Variants in PTTG1IP observed in about 807,000 individuals in gnomAD.
PTTG1IP encodes the protein pituitary tumor-transforming gene 1 protein-interacting protein.
A neutral mutation model predicts 24.4 loss-of-function variants in PTTG1IP; 16 were observed. The observed-to-expected ratio is 0.66, with a 90% CI of 0.44 to 1.00. The LOEUF (loss-of-function observed/expected upper bound fraction) is 1.00, where lower values mean the gene tolerates loss of function less well. Among genes scored for constraint, PTTG1IP ranks in the 50% least tolerant of loss-of-function variants. The pLI, the probability that PTTG1IP is intolerant of heterozygous loss-of-function variation, is 0.00. For missense variants in PTTG1IP, 241 were observed against 245.8 expected (o/e 0.98, Z 0.13); for synonymous variants, 89 against 96.8 (o/e 0.92, Z 0.47).
intron 1 of PTTG1IP, among the ~76,000 whole-genome samples, chr21:44,870,306 C>T (rs531496549): frequency 3.4e-4 from 52 of 152,028 alleles, no homozygotes; most frequent in Non-Finnish European, 6.9e-4. Flanking sequence ...TTTGGGAGGC[C>T]GAGGTGGGCA....
intron 1 of PTTG1IP, among the ~76,000 whole-genome samples, chr21:44,870,061 G>A (rs1232110778): frequency 1.3e-5 from 2 of 152,190 alleles, no homozygotes; most frequent in African/African-American, 4.8e-5. Flanking sequence ...TGAGTCAGCG[G>A]AGAGGCATGA....
intron 1 of PTTG1IP, among the ~76,000 whole-genome samples, chr21:44,867,777 G>A (rs1428222311): frequency 6.6e-6 from 1 of 152,184 alleles, no homozygotes; most frequent in East Asian, 1.9e-4. Flanking sequence ...CTGCAGCTTT[G>A]CTGTCCATGT....
intron 5 of PTTG1IP, among the ~76,000 whole-genome samples, chr21:44,853,825 C>T (rs1033399079): frequency 1.3e-5 from 2 of 152,280 alleles, no homozygotes; most frequent in African/African-American, 2.4e-5. Flanking sequence ...GACTGATGGG[C>T]GGGAACACAT....
intron 1 of PTTG1IP, chr21:44,865,818 C>T (rs1384992421): frequency 1.0e-5 from 3 of 289,904 alleles, no homozygotes; most frequent in African/African-American, 6.5e-5. Flanking sequence ...ACCTTCTGCT[C>T]ATCAGCAGGC....
intron 4 of PTTG1IP, 43 bp from the exon 5 acceptor site, chr21:44,855,299 C>G: frequency 1.3e-6 from 2 of 1,574,124 alleles, no homozygotes; most frequent in South Asian, 1.1e-5. Flanking sequence ...CGACAGCGCA[C>G]GGTGGTGTAA....
chr21:44,872,386 A>G (rs1330259415), intron 1 of PTTG1IP, among the ~76,000 whole-genome samples: 1 of 152,236 alleles, frequency 6.6e-6, no homozygotes, highest in Non-Finnish European at 1.5e-5. Context: ...CTACTATGCT[A>G]AACAGACACT....
intron 2 of PTTG1IP, chr21:44,862,030 G>C (rs2083495735): frequency 1.7e-6 from 1 of 599,096 alleles, no homozygotes. Flanking sequence ...TGAGCCCCTT[G>C]AACGTCAGGT....
chr21:44,858,541 C>T (rs892108858), intron 3 of PTTG1IP, among the ~76,000 whole-genome samples: 1 of 152,206 alleles, frequency 6.6e-6, no homozygotes, highest in African/African-American at 2.4e-5. Context: ...ACCAAACAAG[C>T]CCATCGCACC....
At chr21:44,861,706 G>A (rs997673458) in intron 2 of PTTG1IP, 10 of 715,848 alleles carry the variant, frequency 1.4e-5, no homozygotes, top group Admixed American at 6.0e-5. Flanking sequence ...ACAACCAGCC[G>A]CCTCCACCCC....
At chr21:44,856,915 A>G (rs914840301) in intron 3 of PTTG1IP, among the ~76,000 whole-genome samples, 6 of 152,196 alleles carry the variant, frequency 3.9e-5, no homozygotes, top group Non-Finnish European at 8.8e-5. Flanking sequence ...ACCACGGAAC[A>G]AGACGGGATC....
intron 2 of PTTG1IP, among the ~76,000 whole-genome samples, chr21:44,864,330 C>T (rs2083517712): frequency 6.6e-6 from 1 of 152,242 alleles, no homozygotes; most frequent in Non-Finnish European, 1.5e-5. Context: ...GAGGTGCCAG[C>T]CAGGCTGGCC....
At chr21:44,856,490 C>T in intron 3 of PTTG1IP, 126 bp from the exon 4 acceptor site, 2 of 1,095,032 alleles carry the variant, frequency 1.8e-6, no homozygotes, top group South Asian at 3.3e-5. Flanking sequence ...GCCGCCTCGG[C>T]CAGGCTGCTG....
At chr21:44,855,743 A>G (rs1439619792) in intron 4 of PTTG1IP, among the ~76,000 whole-genome samples, 1 of 151,884 alleles carries the variant, frequency 6.6e-6, no homozygotes, top group African/African-American at 2.4e-5. Flanking sequence ...TGTGGATTAC[A>G]CCACCTCCTC....
intron 1 of PTTG1IP, chr21:44,865,807 G>A (rs2277810): frequency 0.22 from 70,266 of 320,970 alleles, 8,894 homozygotes; most frequent in South Asian, 0.29. Flanking sequence ...AACCTGCTGG[G>A]ACCTTCTGCT....
Position 44,873,486 on chromosome 21 carries a change from GC to G in PTTG1IP, c.115+15del. ...CCCCGCCCCCTTCGCGGCCCCGCCC[GC>G]CCCGGCGCCCTCACCAGCTCCGGGA... On this transcript the variant is annotated intron_variant, in intron 1 of 5. Coordinates refer to ENST00000330938, the MANE Select transcript of PTTG1IP (RefSeq NM_004339.4). The G allele has an allele frequency of 7.3e-7, 1 of 1,375,990 alleles. No homozygotes were observed. The highest frequency in any genetic ancestry group is 9.3e-7 in the Non-Finnish European group (1 of 1,070,642). The allele number at this position is 1,375,990 out of a possible 1,614,324, so 85.2% of individuals were successfully genotyped here. A position where few individuals can be genotyped will look rare whatever the true frequency, so the allele number is the denominator to read the frequency against.
intron 5 of PTTG1IP, among the ~76,000 whole-genome samples, chr21:44,854,334 G>T (rs1005188940): frequency 6.6e-6 from 1 of 152,236 alleles, no homozygotes; most frequent in Non-Finnish European, 1.5e-5. Flanking sequence ...CTGCTTCAAG[G>T]AAAGCACCGT....
At chr21:44,862,249 G>T (rs115698400) in intron 2 of PTTG1IP, among the ~76,000 whole-genome samples, 1 of 152,204 alleles carries the variant, frequency 6.6e-6, no homozygotes, top group Non-Finnish European at 1.5e-5. Flanking sequence ...GGTCAGGCAC[G>T]GTGGCTCACG....
chr21:44,863,140 ACGGCCT>A (rs1427620688), intron 2 of PTTG1IP, among the ~76,000 whole-genome samples: 6 of 144,636 alleles, frequency 4.1e-5, no homozygotes, highest in East Asian at 4.1e-4. Flanking sequence ...ACAGCCCACC[ACGGCCT>A]CAGCAGCAGA....
At chr21:44,854,514 A>G (rs1200389880) in intron 5 of PTTG1IP, among the ~76,000 whole-genome samples, 1 of 151,436 alleles carries the variant, frequency 6.6e-6, no homozygotes, top group African/African-American at 2.4e-5. Context: ...CGCGGGAGAC[A>G]CTAGACTCTT....
Sources: gnomAD v4.1 joint callset for allele counts (sites outside exome capture counted in the v4.1 genomes callset) on GRCh38, gnomAD v4.1.1 for gene constraint, MANE v1.5 for transcripts, NCBI Gene and HGNC (gene_info 2026-07-23, HGNC 2026-07-21) for gene names.